Variants in SH3BGRL2 observed in about 807,000 individuals in gnomAD.
The protein encoded by SH3BGRL2 is SH3 domain binding glutamate rich protein like 2, also known as SH3 domain-binding glutamic acid-rich-like protein 2.
Under a neutral mutation model 14.8 loss-of-function variants are expected in SH3BGRL2, and 21 were observed. The observed-to-expected ratio is 1.42, with a 90% CI of 1.01 to 2.05. The LOEUF (loss-of-function observed/expected upper bound fraction) is 2.05, where lower values mean the gene tolerates loss of function less well. Ranked by LOEUF, SH3BGRL2 falls within the 30% of genes most tolerant of loss-of-function variation. The pLI is 0.00. For missense variants in SH3BGRL2, 147 were observed against 130.8 expected, an observed-to-expected ratio of 1.12 and a Z score of -0.61; for synonymous variants, 50 against 47.8, an observed-to-expected ratio of 1.05 and a Z score of -0.19.
chr6:79,688,184 G>A (rs1239534520), intron 2 of SH3BGRL2, among the ~76,000 whole-genome samples: 2 of 151,148 alleles, frequency 1.3e-5, no homozygotes, highest in Non-Finnish European at 2.9e-5. Context: ...CAGAAGTATA[G>A]GTGATGAGAG....
the SH3BGRL2 span, among the ~76,000 whole-genome samples, chr6:79,561,829 T>G: frequency 6.6e-6 from 1 of 152,222 alleles, no homozygotes; most frequent in Admixed American, 6.5e-5. Flanking sequence ...CCAATCATGT[T>G]CTGTCTGTCT....
chr6:79,634,963 G>T (rs936078709), intron 1 of SH3BGRL2, among the ~76,000 whole-genome samples: 1 of 152,162 alleles, frequency 6.6e-6, no homozygotes, highest in African/African-American at 2.4e-5. Flanking sequence ...TGGAAAGGGG[G>T]AGCTTTGGGT....
chr6:79,663,880 G>A (rs1010113741), intron 1 of SH3BGRL2, among the ~76,000 whole-genome samples: 3 of 152,132 alleles, frequency 2.0e-5, no homozygotes, highest in South Asian at 2.1e-4. Context: ...AGTGGCGGCC[G>A]CCCCTCCCCC....
At chr6:79,632,230 T>C (rs1768839508) in intron 1 of SH3BGRL2, among the ~76,000 whole-genome samples, 1 of 152,168 alleles carries the variant, frequency 6.6e-6, no homozygotes, top group Non-Finnish European at 1.5e-5. Flanking sequence ...GCTATTCTCT[T>C]TGGTGGATGT....
At chr6:79,600,883 C>G in the SH3BGRL2 span, among the ~76,000 whole-genome samples, 1 of 151,204 alleles carries the variant, frequency 6.6e-6, no homozygotes. Flanking sequence ...TAAATCCTCA[C>G]TGTCACACCA....
At chr6:79,574,907 C>G in the SH3BGRL2 span, 7 of 152,180 alleles carry the variant, frequency 4.6e-5, no homozygotes, top group Non-Finnish European at 1.0e-4. Context: ...ACACAAGCCC[C>G]TCTAGGTGGC....
the SH3BGRL2 span, among the ~76,000 whole-genome samples, chr6:79,610,735 T>C: frequency 6.6e-6 from 1 of 152,202 alleles, no homozygotes; most frequent in Non-Finnish European, 1.5e-5. Flanking sequence ...CCTCCCCTCT[T>C]GCCTCAGGGC....
chr6:79,540,729 T>C, the SH3BGRL2 span, among the ~76,000 whole-genome samples: 2 of 152,102 alleles, frequency 1.3e-5, no homozygotes, highest in African/African-American at 4.8e-5. Context: ...GAACTACTGA[T>C]TAACACGGAT....
chr6:79,603,642 G>T, the SH3BGRL2 span, among the ~76,000 whole-genome samples: 1 of 152,118 alleles, frequency 6.6e-6, no homozygotes, highest in Admixed American at 6.6e-5. Flanking sequence ...AAGAATTGTG[G>T]TATCACAGCT....
At chr6:79,563,370 C>T in the SH3BGRL2 span, among the ~76,000 whole-genome samples, 39 of 152,182 alleles carry the variant, frequency 2.6e-4, no homozygotes, top group Middle Eastern at 3.4e-3. Flanking sequence ...CCTCGGCCTC[C>T]TGAAGTGCTG....
chr6:79,694,727 A>T (rs1351146571), intron 2 of SH3BGRL2, among the ~76,000 whole-genome samples: 1 of 152,080 alleles, frequency 6.6e-6, no homozygotes, highest in African/African-American at 2.4e-5. Context: ...GAGCCACTTT[A>T]ATTCTTATTT....
intron 2 of SH3BGRL2, among the ~76,000 whole-genome samples, chr6:79,682,415 A>G (rs1282865807): frequency 6.6e-6 from 1 of 152,182 alleles, no homozygotes; most frequent in Non-Finnish European, 1.5e-5. Flanking sequence ...CTTAAAATAT[A>G]TGATCACAAG....
chr6:79,615,955 T>G, the SH3BGRL2 span, among the ~76,000 whole-genome samples: 1 of 151,850 alleles, frequency 6.6e-6, no homozygotes, highest in African/African-American at 2.4e-5. Context: ...TAGCTGGGAT[T>G]ACAGGCATGT....
chr6:79,699,107 C>T (rs1174065564), intron 3 of SH3BGRL2, among the ~76,000 whole-genome samples: 1 of 152,054 alleles, frequency 6.6e-6, no homozygotes, highest in African/African-American at 2.4e-5. Context: ...GGGGCAGCGA[C>T]TCTTTACTAA....
In SH3BGRL2 at chr6:79,701,499, A is replaced by G. The variant is rs1447470645; in HGVS notation, c.*1990A>G. On this transcript the variant is annotated 3_prime_UTR_variant, in exon 4 of 4. Coordinates refer to ENST00000369838, the MANE Select transcript of SH3BGRL2 (RefSeq NM_031469.4). ...GCTACCCAGATTTGTCTTATATTAT[A>G]ATTTTTGAGTTAACCGTAGTATACC... The G allele has an allele frequency of 6.6e-6, 1 of 152,078 alleles. No homozygotes were observed. The highest frequency in any genetic ancestry group is 1.5e-5 in the Non-Finnish European group (1 of 68,008). The allele number at this position is 152,078 out of a possible 1,614,324, so 9.4% of individuals were successfully genotyped here. A position where few individuals can be genotyped will look rare whatever the true frequency, so the allele number is the denominator to read the frequency against.
chr6:79,646,570 A>G (rs1249999284), intron 1 of SH3BGRL2, among the ~76,000 whole-genome samples: 1 of 152,234 alleles, frequency 6.6e-6, no homozygotes, highest in Non-Finnish European at 1.5e-5. Context: ...ATGCCATAAA[A>G]TTAACTTTTA....
intron 2 of SH3BGRL2, among the ~76,000 whole-genome samples, chr6:79,688,283 T>A (rs1333237327): frequency 6.6e-6 from 1 of 152,144 alleles, no homozygotes; most frequent in African/African-American, 2.4e-5. Context: ...AATGTTCCCT[T>A]AGTGAGTTCG....
At chr6:79,541,019 G>T in the SH3BGRL2 span, among the ~76,000 whole-genome samples, 1 of 152,102 alleles carries the variant, frequency 6.6e-6, no homozygotes, top group African/African-American at 2.4e-5. Flanking sequence ...TTGGTAGGCC[G>T]AAGTGGGCAG....
In SH3BGRL2 at chr6:79,699,501, G is replaced by C; in HGVS notation, c.316G>C (p.Glu106Gln). ...TTTTTTTTTTTTTTTTTTATAGGCAGAACCTTAGAGAAGAAGAGTGGAAGA... is the reference window on the plus strand; with the variant it reads ...TTTTTTTTTTTTTTTTTTATAGGCACAACCTTAGAGAAGAAGAGTGGAAGA... ...GLKPRLASKA[E>Q]P The change falls in exon 4 of 4, where the codon GAA (glutamate) becomes CAA (glutamine). Residue 106 changes from glutamate (E) to glutamine (Q), a missense_variant. Transcript: ENST00000369838. 2 of 630,912 alleles carry C rather than the reference G, an allele frequency of 3.2e-6. No individual in the cohort carries two copies. The highest frequency in any genetic ancestry group is 2.5e-6 in the Non-Finnish European group (1 of 399,122). 39.1% of individuals were successfully genotyped at this position (630,912 alleles called of 1,614,324 possible).
Sources: allele counts gnomAD v4.1 joint callset (sites outside exome capture counted in the v4.1 genomes callset), GRCh38; gene constraint gnomAD v4.1.1; transcripts MANE v1.5; gene names NCBI Gene and HGNC (gene_info 2026-07-23, HGNC 2026-07-21).